The following JAKMIP3 variants were observed in gnomAD, a reference collection of about 807,000 sequenced individuals.
The protein encoded by JAKMIP3 is janus kinase and microtubule-interacting protein 3.
Under a neutral mutation model 118.5 loss-of-function variants are expected in JAKMIP3, and 58 were observed. The ratio of observed to expected loss-of-function variants is 0.49; its 90% CI spans 0.40 to 0.61. The LOEUF is 0.61. Among genes scored for constraint, JAKMIP3 ranks in the 20% least tolerant of loss-of-function variants. The pLI is 0.00. For missense variants in JAKMIP3, 950 were observed against 1,109.0 expected (o/e 0.86, Z 2.04); for synonymous variants, 486 against 451.2 (o/e 1.08, Z -0.98).
At position 132,153,913 on chromosome 10, in the gene JAKMIP3, G is replaced by A; in HGVS notation, c.2143G>A (p.Glu715Lys). 1 of 1,613,132 alleles carries A rather than the reference G, an allele frequency of 6.2e-7. No individual in the cohort carries two copies. Among genetic ancestry groups the A allele is most frequent in the Non-Finnish European group, 8.5e-7 (1 of 1,179,838 alleles). The change falls in exon 19 of 24, where the codon GAG (glutamate) becomes AAG (lysine). Residue 715 changes from glutamate (E) to lysine (K), a missense_variant and splice_region_variant. Physicochemically the swap from Glu to Lys is moderately conservative, Grantham distance 56. Transcript: ENST00000684848. ...RKMVDLESEK[E>K]LFSKQKGYLD... The stretch of plus-strand genomic sequence containing the variant: ...GAGGCATGGCCCTCCTGTGTTTCAG[G>A]AGCTGTTCAGTAAGCAGAAGGGCTA...
chr10:132,145,894 G>T (rs924302989), intron 13 of JAKMIP3, among the ~76,000 whole-genome samples: 2 of 152,214 alleles, frequency 1.3e-5, no homozygotes, highest in Non-Finnish European at 2.9e-5. Context: ...TTAGAGCATC[G>T]TGACAGAGGA....
chr10:132,140,035 G>C (rs1418825794), intron 9 of JAKMIP3, among the ~76,000 whole-genome samples: 3 of 152,180 alleles, frequency 2.0e-5, no homozygotes, highest in Non-Finnish European at 4.4e-5. Flanking sequence ...CCCCGTTTTT[G>C]TTTGTATTCC....
At chr10:132,105,087 G>C in intron 2 of JAKMIP3, 144 bp downstream of exon 2, 3 of 951,342 alleles carry the variant, frequency 3.2e-6, no homozygotes, top group Non-Finnish European at 4.6e-6. Context: ...CAGACCACTT[G>C]GTGGGGGGTG....
chr10:132,151,114 CTCCA>C (rs1411215682), intron 16 of JAKMIP3, among the ~76,000 whole-genome samples: 1 of 152,110 alleles, frequency 6.6e-6, no homozygotes. Flanking sequence ...TCTATTCATT[CTCCA>C]TCCATCCTTC....
At chr10:132,175,335 A>C (rs972264859) in intron 23 of JAKMIP3, among the ~76,000 whole-genome samples, 4 of 152,148 alleles carry the variant, frequency 2.6e-5, no homozygotes, top group African/African-American at 9.7e-5. Context: ...TGTCCACCCA[A>C]GAACATCCTT....
rs1236106630 is a variant in JAKMIP3, at chr10:132,118,483, C to T, written c.633+909C>T. 1.3e-5 allele frequency among the ~76,000 whole-genome samples: 2 copies of T among 152,194 alleles called. No individual in the cohort carries two copies. Among genetic ancestry groups the T allele is most frequent in the Admixed American group, 6.5e-5 (1 of 15,284 alleles). ...GGGATGCAGTGGTCTTTCCACGGGG[C>T]GTGGCTGTGCACCTGGGGCAGCCTC... On this transcript the variant is annotated intron_variant, in intron 3 of 23. Transcript: ENST00000684848. This position sits in a 1 kb window ranked among gnomAD's most constrained non-coding sequence, Gnocchi z 4.8.
chr10:132,050,176 G>C (rs9419169), intron 1 of JAKMIP3, among the ~76,000 whole-genome samples: 40,952 of 152,020 alleles, frequency 0.27, 6,563 homozygotes, highest in African/African-American at 0.45. Flanking sequence ...ATGCCTGTTT[G>C]CATCACTCTT....
intron 1 of JAKMIP3, among the ~76,000 whole-genome samples, chr10:132,094,933 C>T (rs914465762): frequency 1.3e-5 from 2 of 152,044 alleles, no homozygotes; most frequent in South Asian, 2.1e-4. Context: ...GGGTGAGATT[C>T]GCAGGTTAAT....
intron 3 of JAKMIP3, among the ~76,000 whole-genome samples, chr10:132,127,766 C>T (rs188366830): frequency 5.3e-5 from 8 of 152,162 alleles, no homozygotes; most frequent in Admixed American, 1.3e-4. Context: ...ATGGGATTAT[C>T]TCCTTTTTTG....
chr10:132,146,479 G>A lies in JAKMIP3; in HGVS notation c.1749+899G>A, dbSNP rs983677096. Among the ~76,000 whole-genome samples, 3 of 152,120 alleles carry A rather than the reference G, an allele frequency of 2.0e-5. No individual in the cohort carries two copies. In the South Asian group the frequency reaches 6.2e-4, roughly 31 times the overall value. On this transcript the variant is annotated intron_variant, in intron 13 of 23. Transcript: ENST00000684848. ...GGCGGGGCTGGCTACGGGTCCAGGG[G>A]CAGGAAGGCCAGCAGGGCTGTCATT... is the stretch of plus-strand genomic sequence containing the variant.
At chr10:132,085,778 C>T (rs1213763749) in intron 1 of JAKMIP3, among the ~76,000 whole-genome samples, 3 of 152,172 alleles carry the variant, frequency 2.0e-5, no homozygotes, top group Non-Finnish European at 4.4e-5. Flanking sequence ...GGATTACAGG[C>T]GTGAGCCACT....
At chr10:132,064,285 A>G (rs1046575304), upstream of JAKMIP3, among the ~76,000 whole-genome samples, 4 of 152,222 alleles carry the variant, frequency 2.6e-5, no homozygotes, top group Non-Finnish European at 5.9e-5. This position sits in a 1 kb window ranked among gnomAD's most constrained non-coding sequence, Gnocchi z 4.4. Context: ...ACTAAAGTCA[A>G]ATCTGTGCAC....
rs367545723 is a variant in JAKMIP3, at chr10:132,143,151, G to T, written c.1602+1103G>T. Among the ~76,000 whole-genome samples, 6 of 152,104 alleles carry T rather than the reference G, an allele frequency of 3.9e-5. No individual in the cohort carries two copies. In the East Asian group the frequency reaches 7.7e-4, roughly 20 times the overall value. On this transcript the variant is annotated intron_variant, in intron 11 of 23. Transcript: ENST00000684848. ...TCCTCCTGTCCTGAGTCGGGGTGGG[G>T]GGGGCTGGCCTTGGAGGGGGCGTCC...
At chr10:132,054,444 G>T (rs975288673) in intron 1 of JAKMIP3, among the ~76,000 whole-genome samples, 1 of 152,186 alleles carries the variant, frequency 6.6e-6, no homozygotes, top group African/African-American at 2.4e-5. Context: ...ACCTGCAGGG[G>T]TGCAGGCCAA....
At chr10:132,085,322 C>A (rs954278134) in intron 1 of JAKMIP3, among the ~76,000 whole-genome samples, 1 of 152,130 alleles carries the variant, frequency 6.6e-6, no homozygotes, top group African/African-American at 2.4e-5. Context: ...AGGAATTTAT[C>A]CATCTCCGCT....
rs766110730 is a variant in JAKMIP3, at chr10:132,163,165, C to T, written c.2221-44C>T. 86 of 1,526,744 alleles carry T rather than the reference C, an allele frequency of 5.6e-5. No individual in the cohort carries two copies. In the East Asian group the frequency reaches 2.0e-3, roughly 36 times the overall value. 94.6% of individuals were successfully genotyped at this position (1,526,744 alleles called of 1,614,324 possible). ...CGTTGCCCTTCCTGAAAGGTTTGTT[C>T]TGGGGAGAAGGCAAGGACTAAGGCG... On this transcript the variant is annotated intron_variant, in intron 19 of 23. Coordinates refer to ENST00000684848, the MANE Select transcript of JAKMIP3 (RefSeq NM_001323087.2).
intron 3 of JAKMIP3, among the ~76,000 whole-genome samples, chr10:132,123,592 G>T (rs1170721819): frequency 5.9e-5 from 9 of 152,122 alleles, no homozygotes; most frequent in Admixed American, 5.9e-4. Context: ...CTTGCTTTTT[G>T]CCTGGAGACG....
chr10:132,159,164 A>G (rs1293444005), intron 19 of JAKMIP3, among the ~76,000 whole-genome samples: 11 of 50,232 alleles, frequency 2.2e-4, no homozygotes, highest in African/African-American at 7.4e-4. Flanking sequence ...TTGTGGGGGT[A>G]TCTCTTCCTG....
Position 132,087,202 on chromosome 10 carries a change from C to CTTGT in JAKMIP3, c.-137-17469_-137-17466dup, listed in dbSNP as rs1441202787. On this transcript the variant is annotated intron_variant, in intron 1 of 23. Coordinates refer to ENST00000684848, the MANE Select transcript of JAKMIP3 (RefSeq NM_001323087.2). ...AAGATAGGGCACCAATCCATTCTAG[C>CTTGT]TTGTACGGTTTCTGCTGAGAAATCT... Among the ~76,000 whole-genome samples, 5 of 152,312 alleles carry CTTGT rather than the reference C, an allele frequency of 3.3e-5. No homozygotes were observed. The East Asian group carries it at 9.6e-4, about 29-fold the overall frequency.
Sources: allele counts gnomAD v4.1 joint callset (sites outside exome capture counted in the v4.1 genomes callset), GRCh38; gene constraint gnomAD v4.1.1; non-coding constraint Gnocchi (gnomAD v3.1); transcripts MANE v1.5; gene names NCBI Gene and HGNC (gene_info 2026-07-23, HGNC 2026-07-21).